The following GFRAL variants were observed in gnomAD, a reference collection of about 807,000 sequenced individuals.
GFRAL encodes the protein GDNF family receptor alpha-like.
In GFRAL, 36 loss-of-function variants were observed where a neutral mutation model predicts 45.4. The observed-to-expected ratio is 0.79, with a 90% CI of 0.61 to 1.05. The LOEUF (loss-of-function observed/expected upper bound fraction) is 1.05. GFRAL is among the 50% of genes least tolerant of loss of function. The probability of loss-of-function intolerance (pLI) is 0.00; values close to 1 mark genes in which losing one functional copy is unlikely to be tolerated. For synonymous variants in GFRAL, 166 were observed against 154.1 expected (o/e 1.08, Z -0.57); for missense variants, 507 against 467.5 (o/e 1.08, Z -0.78).
At chr6:55,369,126 G>A (rs886297771) in intron 6 of GFRAL, among the ~76,000 whole-genome samples, 1 of 151,480 alleles carries the variant, frequency 6.6e-6, no homozygotes, top group African/African-American at 2.4e-5. Flanking sequence ...CGAGCCAGGT[G>A]CTGGATAGAA....
chr6:55,375,104 C>T (rs966892586), intron 6 of GFRAL, among the ~76,000 whole-genome samples: 3 of 151,902 alleles, frequency 2.0e-5, no homozygotes, highest in Non-Finnish European at 2.9e-5. Flanking sequence ...TTGGCTATTT[C>T]GCTCTTTTTT....
rs555288188 is a variant in GFRAL, at chr6:55,359,668, G to C, written c.952+530G>C. ...TGGTATTAGCAGACACCATTTTCTG[G>C]TGTGGTGTGGTTCACTTCAATATGA... On this transcript the variant is annotated intron_variant, in intron 6 of 8. Transcript: ENST00000340465. Among the ~76,000 whole-genome samples, 3 of 152,048 alleles carry C rather than the reference G, an allele frequency of 2.0e-5. No individual in the cohort carries two copies. The South Asian group carries it at 6.2e-4, about 32-fold the overall frequency.
At chr6:55,381,665 C>A (rs1284605772) in intron 6 of GFRAL, among the ~76,000 whole-genome samples, 2 of 151,744 alleles carry the variant, frequency 1.3e-5, no homozygotes, top group Non-Finnish European at 2.9e-5. Context: ...AATGCAAAGA[C>A]TGTGTAAAAT....
At chr6:55,369,274 T>C (rs1418269299) in intron 6 of GFRAL, among the ~76,000 whole-genome samples, 1 of 152,230 alleles carries the variant, frequency 6.6e-6, no homozygotes, top group Non-Finnish European at 1.5e-5. Context: ...GCTTCCCAAG[T>C]GAGGCAATGC....
intron 3 of GFRAL, among the ~76,000 whole-genome samples, chr6:55,349,641 G>A (rs968030846): frequency 1.3e-5 from 2 of 152,034 alleles, no homozygotes; most frequent in Admixed American, 6.6e-5. Context: ...AACTCTTGGA[G>A]GATAAGATAA....
chr6:55,345,989 A>T (rs1253851007), intron 3 of GFRAL, among the ~76,000 whole-genome samples: 1 of 152,208 alleles, frequency 6.6e-6, no homozygotes, highest in Non-Finnish European at 1.5e-5. Context: ...AACCACAATG[A>T]GATACCATCT....
intron 6 of GFRAL, among the ~76,000 whole-genome samples, chr6:55,378,028 C>A (rs1375967673): frequency 2.0e-5 from 3 of 152,028 alleles, no homozygotes; most frequent in Admixed American, 2.0e-4. Context: ...AAGGGGAAAT[C>A]ATTTGACCTT....
chr6:55,376,022 G>T (rs1251317861), intron 6 of GFRAL, among the ~76,000 whole-genome samples: 2 of 151,992 alleles, frequency 1.3e-5, no homozygotes, highest in Non-Finnish European at 2.9e-5. Context: ...ATTATTTTGA[G>T]GTATGTTCCT....
chr6:55,341,398 C>T (rs141107421), intron 3 of GFRAL, among the ~76,000 whole-genome samples: 1,988 of 152,264 alleles, frequency 0.013, 22 homozygotes, highest in Non-Finnish European at 0.022. Flanking sequence ...CTGCTTCTGA[C>T]ACCCAGTCAA....
intron 6 of GFRAL, among the ~76,000 whole-genome samples, chr6:55,394,234 T>C (rs1052578261): frequency 5.3e-5 from 8 of 152,146 alleles, no homozygotes; most frequent in African/African-American, 1.9e-4. Flanking sequence ...TTATAAGATA[T>C]GCAAGCAAAA....
chr6:55,343,079 G>A (rs1242936912), intron 3 of GFRAL, among the ~76,000 whole-genome samples: 1 of 152,094 alleles, frequency 6.6e-6, no homozygotes, highest in Non-Finnish European at 1.5e-5. Context: ...ATAATAATGG[G>A]AGATTTTAAC....
intron 3 of GFRAL, among the ~76,000 whole-genome samples, chr6:55,337,530 G>A (rs1767908362): frequency 1.3e-5 from 2 of 152,094 alleles, no homozygotes; most frequent in Admixed American, 1.3e-4. Context: ...AAAGATATCT[G>A]GCCCATGCTT....
At position 55,327,530 on chromosome 6, in the gene GFRAL, G is replaced by A; in HGVS notation, c.-25G>A. On this transcript the variant is annotated 5_prime_UTR_variant, in exon 1 of 9. Transcript: ENST00000340465. ...AGAAACGCATCTGCCTTTTTTTCCA[G>A]GTGAACTGCCGTGAGTTGTCCAGCA... 1 of 1,611,498 alleles carries A rather than the reference G, an allele frequency of 6.2e-7. No homozygotes were observed. Among genetic ancestry groups the A allele is most frequent in the Non-Finnish European group, 8.5e-7 (1 of 1,178,626 alleles).
intron 6 of GFRAL, among the ~76,000 whole-genome samples, chr6:55,382,092 A>C (rs1768617143): frequency 6.6e-6 from 1 of 151,904 alleles, no homozygotes; most frequent in South Asian, 2.1e-4. Context: ...TCCAAGGAAC[A>C]TTCAACAGAA....
At chr6:55,394,531 A>G (rs1768796542) in intron 6 of GFRAL, among the ~76,000 whole-genome samples, 1 of 152,100 alleles carries the variant, frequency 6.6e-6, no homozygotes, top group Non-Finnish European at 1.5e-5. Flanking sequence ...TGTAAAGTGA[A>G]ATGGGTTGAG....
intron 8 of GFRAL, 33 bp from the exon 9 acceptor site, chr6:55,401,757 C>G (rs201870632): frequency 8.4e-7 from 1 of 1,185,248 alleles, no homozygotes; most frequent in South Asian, 1.2e-5. Flanking sequence ...CTTAAAATGG[C>G]ATGTTGTTAA....
At chr6:55,376,275 G>C (rs1385636950) in intron 6 of GFRAL, among the ~76,000 whole-genome samples, 1 of 152,016 alleles carries the variant, frequency 6.6e-6, no homozygotes, top group Non-Finnish European at 1.5e-5. Context: ...TTTAATTGAA[G>C]ATTTTTGCAT....
chr6:55,378,620 C>T lies in GFRAL; in HGVS notation c.952+19482C>T, dbSNP rs558267729. On this transcript the variant is annotated intron_variant, in intron 6 of 8. Transcript: ENST00000340465. ...AATCTGAGACAGAAAAATTTGCCCA[C>T]GTCTTGCCACTACCATGGGTACTTC... is the stretch of plus-strand genomic sequence containing the variant. Among the ~76,000 whole-genome samples the T allele has an allele frequency of 1.4e-4, 22 of 152,104 alleles. No individual in the cohort carries two copies. In the East Asian group the frequency reaches 3.7e-3, roughly 25 times the overall value.
chr6:55,344,802 A>T (rs1335002511), intron 3 of GFRAL, among the ~76,000 whole-genome samples: 1 of 152,226 alleles, frequency 6.6e-6, no homozygotes, highest in African/African-American at 2.4e-5. Flanking sequence ...CCATCATCTC[A>T]GCCCAAAATC....
Sources: allele counts gnomAD v4.1 joint callset (sites outside exome capture counted in the v4.1 genomes callset), GRCh38; gene constraint gnomAD v4.1.1; transcripts MANE v1.5; gene names NCBI Gene and HGNC (gene_info 2026-07-23, HGNC 2026-07-21).